BNC2: variants seen among roughly 807,000 people sequenced by gnomAD.
BNC2 encodes zinc finger protein basonuclin-2.
Under a neutral mutation model 76.3 loss-of-function variants are expected in BNC2, and 20 were observed. The observed-to-expected ratio is 0.26, with a 90% CI of 0.18 to 0.38. The LOEUF (loss-of-function observed/expected upper bound fraction) is 0.38, where lower values mean the gene tolerates loss of function less well. Ranked by LOEUF, BNC2 falls within the 10% of genes least tolerant of loss-of-function variation. The probability of loss-of-function intolerance (pLI) is 1.00; values close to 1 mark genes in which losing one functional copy is unlikely to be tolerated. For missense variants in BNC2, 1,382 were observed against 1,399.8 expected (o/e 0.99, Z 0.20); for synonymous variants, 582 against 514.8 (o/e 1.13, Z -1.77).
At chr9:16,797,864 ACC>A (rs971553149) in intron 1 of BNC2, among the ~76,000 whole-genome samples, 1 of 152,200 alleles carries the variant, frequency 6.6e-6, no homozygotes, top group African/African-American at 2.4e-5. Flanking sequence ...GGCCTATCCC[ACC>A]AAGAGAAGAC....
At chr9:16,857,673 G>C (rs1218275964) in intron 1 of BNC2, among the ~76,000 whole-genome samples, 2 of 152,022 alleles carry the variant, frequency 1.3e-5, no homozygotes, top group African/African-American at 4.8e-5. Flanking sequence ...AATTTGAACA[G>C]TTACATATCT....
chr9:16,828,823 G>C (rs1381987464), intron 1 of BNC2, among the ~76,000 whole-genome samples: 1 of 152,226 alleles, frequency 6.6e-6, no homozygotes, highest in Non-Finnish European at 1.5e-5. Context: ...CCGCTGAAAT[G>C]ATCTTGTGGA....
intron 3 of BNC2, among the ~76,000 whole-genome samples, chr9:16,641,679 C>G (rs536298673): frequency 1.6e-4 from 24 of 152,216 alleles, no homozygotes; most frequent in African/African-American, 5.1e-4. Flanking sequence ...AGCTAAGATT[C>G]CAAAACTTCT....
intron 1 of BNC2, among the ~76,000 whole-genome samples, chr9:16,773,716 T>A (rs531755957): frequency 6.6e-6 from 1 of 152,288 alleles, no homozygotes; most frequent in South Asian, 2.1e-4. Flanking sequence ...AAACTTTCCG[T>A]TCATCTTACA....
intron 5 of BNC2, among the ~76,000 whole-genome samples, chr9:16,513,864 A>T (rs965154110): frequency 1.3e-5 from 2 of 152,158 alleles, no homozygotes; most frequent in Non-Finnish European, 2.9e-5. Context: ...GGAACTTCCT[A>T]TGGATTAGCA....
intron 1 of BNC2, among the ~76,000 whole-genome samples, chr9:16,785,826 G>A (rs1265740036): frequency 2.0e-5 from 3 of 150,558 alleles, no homozygotes; most frequent in African/African-American, 7.3e-5. Flanking sequence ...AAAAAAGTAT[G>A]CAAAAATAAA....
intron 3 of BNC2, among the ~76,000 whole-genome samples, chr9:16,725,264 A>G (rs559641381): frequency 6.6e-6 from 1 of 150,628 alleles, no homozygotes; most frequent in Admixed American, 6.6e-5. Context: ...CTGAATCAGC[A>G]TTGCTGATGA....
intron 5 of BNC2, among the ~76,000 whole-genome samples, chr9:16,459,536 T>C (rs185784638): frequency 2.1e-4 from 32 of 152,246 alleles, no homozygotes; most frequent in Admixed American, 1.6e-3. Flanking sequence ...TTTGTAAAAG[T>C]CCCTGATCCA....
intron 6 of BNC2, among the ~76,000 whole-genome samples, chr9:16,431,067 GA>G (rs1179189391): frequency 6.6e-6 from 1 of 152,102 alleles, no homozygotes; most frequent in African/African-American, 2.4e-5. Context: ...AAGAAGAAAG[GA>G]ACAAAGATAG....
chr9:16,853,135 G>A (rs924508143), intron 1 of BNC2, among the ~76,000 whole-genome samples: 1 of 152,140 alleles, frequency 6.6e-6, no homozygotes, highest in African/African-American at 2.4e-5. Flanking sequence ...ATAGTATTCT[G>A]GGCAGGATAC....
intron 1 of BNC2, among the ~76,000 whole-genome samples, chr9:16,739,892 ATAGC>A (rs921377328): frequency 6.6e-6 from 1 of 152,226 alleles, no homozygotes; most frequent in Non-Finnish European, 1.5e-5. Flanking sequence ...GTGAGAATAT[ATAGC>A]AAGTTTAGTA....
At chr9:16,563,416 C>T (rs1020712562) in intron 4 of BNC2, among the ~76,000 whole-genome samples, 5 of 151,502 alleles carry the variant, frequency 3.3e-5, no homozygotes, top group Non-Finnish European at 5.9e-5. Flanking sequence ...GCCAAGAGTT[C>T]GAGACCAGCC....
chr9:16,539,203 T>C (rs1399356924), intron 5 of BNC2, among the ~76,000 whole-genome samples: 2 of 151,884 alleles, frequency 1.3e-5, no homozygotes, highest in Admixed American at 6.6e-5. Flanking sequence ...AAAAAACAAA[T>C]AGAATATTTG....
intron 3 of BNC2, among the ~76,000 whole-genome samples, chr9:16,713,308 A>G (rs1823902823): frequency 6.6e-6 from 1 of 152,130 alleles, no homozygotes; most frequent in South Asian, 2.1e-4. Flanking sequence ...TTTTATTTGG[A>G]GGTAGTTTCC....
intron 1 of BNC2, among the ~76,000 whole-genome samples, chr9:16,739,003 T>C (rs1824762705): frequency 6.6e-6 from 1 of 150,494 alleles, no homozygotes; most frequent in African/African-American, 2.5e-5. Flanking sequence ...CCATACAACT[T>C]AGAGATCCCT....
rs148663807 is a variant in BNC2 at position 16,770,206 on chromosome 9, C to G, written c.4-31721G>C. Among the ~76,000 whole-genome samples, 497 of 152,254 alleles carry G rather than the reference C, an allele frequency of 3.3e-3. 2 individuals are homozygous for G. The highest frequency in any genetic ancestry group is 0.011 in the African/African-American group (462 of 41,552). On this transcript the variant is annotated intron_variant, in intron 1 of 6. Coordinates refer to ENST00000380672, the MANE Select transcript of BNC2 (RefSeq NM_017637.6). Reference sequence around the variant, plus strand: ...GCGAGGCACTGAACACCCAGAGATACAGGAGAGTTGACAGTGGATGCTCAT... The same window carrying G: ...GCGAGGCACTGAACACCCAGAGATAGAGGAGAGTTGACAGTGGATGCTCAT...
At chr9:16,456,577 C>A (rs942760419) in intron 5 of BNC2, among the ~76,000 whole-genome samples, 1 of 151,426 alleles carries the variant, frequency 6.6e-6, no homozygotes, top group Non-Finnish European at 1.5e-5. Context: ...CCAAGAGCAG[C>A]AGGTAAAGTC....
intron 2 of BNC2, among the ~76,000 whole-genome samples, chr9:16,732,717 G>A (rs1029979416): frequency 6.6e-6 from 1 of 152,180 alleles, no homozygotes; most frequent in Non-Finnish European, 1.5e-5. Flanking sequence ...TTAAAGATCA[G>A]TGGTTTTTCA....
chr9:16,424,382 T>C (rs1057187564), intron 6 of BNC2, among the ~76,000 whole-genome samples: 16 of 152,122 alleles, frequency 1.1e-4, no homozygotes, highest in Non-Finnish European at 2.1e-4. Flanking sequence ...TTAATCAGAT[T>C]TGAGACATTC....
Sources: gnomAD v4.1 joint callset for allele counts (sites outside exome capture counted in the v4.1 genomes callset) on GRCh38, gnomAD v4.1.1 for gene constraint, MANE v1.5 for transcripts, NCBI Gene and HGNC (gene_info 2026-07-23, HGNC 2026-07-21) for gene names.